The following TDP2 variants were observed in gnomAD, a reference collection of about 807,000 sequenced individuals.
The protein encoded by TDP2 is 5'-Tyr-DNA phosphodiesterase.
Under a neutral mutation model 42.8 loss-of-function variants are expected in TDP2, and 38 were observed. The ratio of observed to expected loss-of-function variants is 0.89; its 90% CI spans 0.68 to 1.16. TDP2 has a LOEUF of 1.16. Ranked by LOEUF, TDP2 falls within the 50% of genes most tolerant of loss-of-function variation. The probability of loss-of-function intolerance (pLI) is 0.00; values close to 1 mark genes in which losing one functional copy is unlikely to be tolerated. For synonymous variants in TDP2, 173 were observed against 150.6 expected (o/e 1.15, Z -1.09); for missense variants, 439 against 439.3 (o/e 1.00, Z 0.01).
chr6:24,666,107 A>T, intron 2 of TDP2: 2 of 1,544,802 alleles, frequency 1.3e-6, no homozygotes, highest in Non-Finnish European at 1.7e-6. Context: ...AAAAATAACA[A>T]CAACAACAAA....
At position 24,662,528 on chromosome 6, in the gene TDP2, G is replaced by A. The variant is rs143104802; in HGVS notation, c.252-3794C>T. Among the ~76,000 whole-genome samples, 6 of 152,056 alleles carry A rather than the reference G, an allele frequency of 3.9e-5. No individual in the cohort carries two copies. The East Asian group carries it at 1.2e-3, about 29-fold the overall frequency. On this transcript the variant is annotated intron_variant, in intron 2 of 6. Coordinates refer to ENST00000378198, the MANE Select transcript of TDP2 (RefSeq NM_016614.3). ...TCCTTAAACTTATTTATGACACAGAGTCCTTTGCTCACGTTTTCCTGCTGA... is the reference window on the plus strand; with the variant it reads ...TCCTTAAACTTATTTATGACACAGAATCCTTTGCTCACGTTTTCCTGCTGA...
chr6:24,660,343 T>C (rs1295891587), intron 2 of TDP2, among the ~76,000 whole-genome samples: 1 of 152,192 alleles, frequency 6.6e-6, no homozygotes, highest in East Asian at 1.9e-4. Flanking sequence ...CAAACCTAGA[T>C]GGTACAACAG....
At chr6:24,659,597 A>C (rs1336715759) in intron 2 of TDP2, among the ~76,000 whole-genome samples, 1 of 152,210 alleles carries the variant, frequency 6.6e-6, no homozygotes, top group East Asian at 1.9e-4. Context: ...AATTGTATAA[A>C]CTATGATCCC....
chr6:24,658,531 T>C (rs1778091646), intron 3 of TDP2, 30 bp downstream of exon 3: 6 of 1,567,272 alleles, frequency 3.8e-6, no homozygotes, highest in Non-Finnish European at 3.5e-6. Context: ...ATAAGACACA[T>C]TACTATTAAA....
At chr6:24,656,475 G>A (rs1159955233) in intron 4 of TDP2, among the ~76,000 whole-genome samples, 1 of 151,506 alleles carries the variant, frequency 6.6e-6, no homozygotes, top group African/African-American at 2.4e-5. Context: ...GGAGGGAGAG[G>A]GAAAAGGATT....
At chr6:24,665,747 G>A (rs1778221100) in intron 2 of TDP2, among the ~76,000 whole-genome samples, 4 of 152,138 alleles carry the variant, frequency 2.6e-5, no homozygotes, top group Admixed American at 2.0e-4. Context: ...CAGGGGTCAT[G>A]CAGGATGCTA....
At chr6:24,665,896 A>C in intron 2 of TDP2, 1 of 466,860 alleles carries the variant, frequency 2.1e-6, no homozygotes, top group Non-Finnish European at 3.5e-6. Context: ...AGGCACAGGT[A>C]ATAAAGATCT....
chr6:24,666,179 G>A, intron 2 of TDP2: 1 of 1,550,522 alleles, frequency 6.4e-7, no homozygotes, highest in Non-Finnish European at 8.7e-7. Context: ...GAAGCAAGGA[G>A]ACTTCCAAGT....
At chr6:24,655,767 C>T (rs1282165292) in intron 4 of TDP2, among the ~76,000 whole-genome samples, 1 of 152,164 alleles carries the variant, frequency 6.6e-6, no homozygotes, top group African/African-American at 2.4e-5. Context: ...CCACCCCAGT[C>T]CCAACACCCA....
At chr6:24,652,862 G>T in intron 6 of TDP2, 121 bp downstream of exon 6, 1 of 1,077,668 alleles carries the variant, frequency 9.3e-7, no homozygotes, top group Non-Finnish European at 1.4e-6. Flanking sequence ...GAATTGCAAG[G>T]TCACTTAAGA....
intron 2 of TDP2, 98 bp downstream of exon 2, chr6:24,666,428 T>A: frequency 6.8e-7 from 1 of 1,464,448 alleles, no homozygotes; most frequent in Non-Finnish European, 9.5e-7. Context: ...TGCCTCAGCA[T>A]CGTCCGCCCA....
chr6:24,652,716 T>C (rs1777993816), intron 6 of TDP2, among the ~76,000 whole-genome samples: 1 of 149,248 alleles, frequency 6.7e-6, no homozygotes, highest in Non-Finnish European at 1.5e-5. Context: ...TACCTTTCTT[T>C]CTAATCCTAT....
At chr6:24,652,225 A>T (rs1256493906) in intron 6 of TDP2, among the ~76,000 whole-genome samples, 3 of 152,218 alleles carry the variant, frequency 2.0e-5, no homozygotes, top group Non-Finnish European at 2.9e-5. Context: ...GGTGAATAAT[A>T]TTCCACTGTA....
Position 24,654,545 on chromosome 6 carries a change from G to T in TDP2, c.518-15C>A. 1 of 1,377,264 alleles carries T rather than the reference G, an allele frequency of 7.3e-7. No homozygotes were observed. The highest frequency in any genetic ancestry group is 1.0e-6 in the Non-Finnish European group (1 of 980,454). 85.3% of individuals were successfully genotyped at this position (1,377,264 alleles called of 1,614,324 possible). On this transcript the variant is annotated splice_polypyrimidine_tract_variant and intron_variant, in intron 4 of 6. Transcript: ENST00000378198. ...TTCTTCATGACCTACAAATGTTTGTGGAAAAGAATTTAGGCTGAGAAGGTG... is the reference window on the plus strand; with the variant it reads ...TTCTTCATGACCTACAAATGTTTGTTGAAAAGAATTTAGGCTGAGAAGGTG...
intron 2 of TDP2, chr6:24,666,286 CT>C: frequency 1.3e-6 from 2 of 1,535,280 alleles, no homozygotes. Flanking sequence ...ACATTTCCAT[CT>C]TTTCCTCCCT....
At chr6:24,651,207 T>C (rs1207116468) in intron 6 of TDP2, 138 bp from the exon 7 acceptor site, 2 of 695,994 alleles carry the variant, frequency 2.9e-6, no homozygotes, top group Non-Finnish European at 4.7e-6. Flanking sequence ...AGATACATTA[T>C]AAAAAGTACT....
chr6:24,651,119 T>C, intron 6 of TDP2, 50 bp from the exon 7 acceptor site: 5 of 1,128,456 alleles, frequency 4.4e-6, no homozygotes, highest in Non-Finnish European at 4.7e-6. Context: ...TTTTGCCCAC[T>C]AACTTAAAAA....
chr6:24,651,364 GT>G (rs1777972078), intron 6 of TDP2, among the ~76,000 whole-genome samples: 1 of 152,160 alleles, frequency 6.6e-6, no homozygotes, highest in South Asian at 2.1e-4. Context: ...TGTTACTGCT[GT>G]TATCTGTTTT....
intron 2 of TDP2, 35 bp from the exon 3 acceptor site, chr6:24,658,769 T>A: frequency 6.3e-7 from 1 of 1,574,908 alleles, no homozygotes; most frequent in South Asian, 1.2e-5. Flanking sequence ...GCTTTGCAAA[T>A]AATCTATAAA....
Sources: allele counts gnomAD v4.1 joint callset (sites outside exome capture counted in the v4.1 genomes callset), GRCh38; gene constraint gnomAD v4.1.1; transcripts MANE v1.5; gene names NCBI Gene and HGNC (gene_info 2026-07-23, HGNC 2026-07-21).